Variants in CCSER2 observed in about 807,000 individuals in gnomAD.
CCSER2 encodes coiled-coil serine rich protein 2.
A neutral mutation model predicts 92.3 loss-of-function variants in CCSER2; 46 were observed. That is an observed-to-expected ratio of 0.50 (90% CI 0.39 to 0.64). The LOEUF (loss-of-function observed/expected upper bound fraction) is 0.64. Ranked by LOEUF, CCSER2 falls within the 30% of genes least tolerant of loss-of-function variation. The pLI is 0.00. For synonymous variants in CCSER2, 433 were observed against 431.4 expected, an observed-to-expected ratio of 1.00 and a Z score of -0.04; for missense variants, 1,244 against 1,238.9, an observed-to-expected ratio of 1.00 and a Z score of -0.06.
chr10:84,479,187 A>G (rs1248537363), intron 9 of CCSER2, among the ~76,000 whole-genome samples: 4 of 152,242 alleles, frequency 2.6e-5, no homozygotes, highest in Non-Finnish European at 5.9e-5. Flanking sequence ...CTATAAAAAA[A>G]GTAACTATAA....
Position 84,446,595 on chromosome 10 carries a change from A to G in CCSER2, c.2064+7888A>G, listed in dbSNP as rs139634772. Among the ~76,000 whole-genome samples the G allele has an allele frequency of 9.9e-5, 15 of 151,014 alleles. No individual in the cohort carries two copies. In the East Asian group the frequency reaches 2.7e-3, roughly 27 times the overall value. ...ATTTCTCTCATCACTCCAGGAAAAA[A>G]AGGAGTTTATGAAATATTCATAATA... On this transcript the variant is annotated intron_variant, in intron 6 of 9. Coordinates refer to ENST00000372088, the MANE Select transcript of CCSER2 (RefSeq NM_001284240.2).
chr10:84,470,868 G>A (rs1846749110), intron 8 of CCSER2, among the ~76,000 whole-genome samples: 1 of 151,922 alleles, frequency 6.6e-6, no homozygotes, highest in African/African-American at 2.4e-5. Flanking sequence ...CAGATTGAAG[G>A]GTACTCCAAG....
At chr10:84,435,872 C>G (rs1844085315) in intron 5 of CCSER2, among the ~76,000 whole-genome samples, 1 of 152,084 alleles carries the variant, frequency 6.6e-6, no homozygotes, top group African/African-American at 2.4e-5. Flanking sequence ...GAAGTGTTCT[C>G]TGAAGTAGTG....
At chr10:84,418,477 C>T (rs1454002791) in intron 4 of CCSER2, among the ~76,000 whole-genome samples, 1 of 152,072 alleles carries the variant, frequency 6.6e-6, no homozygotes, top group Non-Finnish European at 1.5e-5. Context: ...CATAAAAAAG[C>T]CCTGGAGGCA....
intron 9 of CCSER2, among the ~76,000 whole-genome samples, chr10:84,484,411 C>T (rs1185197137): frequency 1.3e-5 from 2 of 151,980 alleles, no homozygotes; most frequent in Non-Finnish European, 2.9e-5. Flanking sequence ...TCCACCATGC[C>T]CAGCCAAATG....
intron 1 of CCSER2, among the ~76,000 whole-genome samples, chr10:84,339,094 T>A (rs1310362394): frequency 2.0e-5 from 3 of 151,346 alleles, no homozygotes; most frequent in African/African-American, 7.3e-5. Flanking sequence ...CTACAGAAGT[T>A]AATTTTTTCT....
chr10:84,342,464 G>A (rs527703443), intron 1 of CCSER2, among the ~76,000 whole-genome samples: 3 of 152,168 alleles, frequency 2.0e-5, no homozygotes, highest in South Asian at 4.1e-4. Context: ...CATGTACCCT[G>A]TCATGTACCC....
intron 4 of CCSER2, among the ~76,000 whole-genome samples, chr10:84,425,508 A>G (rs1843380937): frequency 6.6e-6 from 1 of 152,216 alleles, no homozygotes; most frequent in Admixed American, 6.5e-5. Flanking sequence ...ACTGTAATGT[A>G]AAAGTATTAT....
At chr10:84,471,878 T>C (rs1846823703) in intron 8 of CCSER2, among the ~76,000 whole-genome samples, 1 of 152,008 alleles carries the variant, frequency 6.6e-6, no homozygotes, top group Admixed American at 6.6e-5. Context: ...ATTAAATAAG[T>C]TTGAGGAAGA....
chr10:84,367,472 G>A (rs1467313534), intron 1 of CCSER2, among the ~76,000 whole-genome samples: 1 of 151,794 alleles, frequency 6.6e-6, no homozygotes, highest in East Asian at 1.9e-4. Context: ...AACCTCGTGG[G>A]CTCAGTTGAT....
intron 4 of CCSER2, 64 bp from the exon 5 acceptor site, chr10:84,425,667 T>C (rs2133431971): frequency 8.9e-7 from 1 of 1,122,302 alleles, no homozygotes; most frequent in Non-Finnish European, 1.2e-6. Flanking sequence ...ATTATCAAGC[T>C]ATAAGAGTCA....
At chr10:84,359,001 C>G (rs2133106552) in intron 1 of CCSER2, among the ~76,000 whole-genome samples, 1 of 152,266 alleles carries the variant, frequency 6.6e-6, no homozygotes, top group South Asian at 2.1e-4. Context: ...TTTACTGTCT[C>G]CTGGTCCTAG....
intron 8 of CCSER2, among the ~76,000 whole-genome samples, chr10:84,472,639 A>G (rs1173499964): frequency 1.3e-5 from 2 of 152,186 alleles, no homozygotes; most frequent in African/African-American, 4.8e-5. Context: ...TAGGATTGCA[A>G]TAGTAAAATT....
At chr10:84,491,796 T>G (rs1386867932) in intron 9 of CCSER2, among the ~76,000 whole-genome samples, 1 of 152,140 alleles carries the variant, frequency 6.6e-6, no homozygotes, top group Non-Finnish European at 1.5e-5. Context: ...GGTACCTCAG[T>G]TGGAAATGCA....
intron 3 of CCSER2, among the ~76,000 whole-genome samples, chr10:84,403,861 C>G (rs1195352170): frequency 6.6e-6 from 1 of 152,104 alleles, no homozygotes; most frequent in Non-Finnish European, 1.5e-5. Context: ...TACAAATGCT[C>G]CAAGCTAAAT....
At chr10:84,464,048 A>G (rs765444016) in intron 7 of CCSER2, 32 bp downstream of exon 7, 23 of 1,201,616 alleles carry the variant, frequency 1.9e-5, no homozygotes, top group Non-Finnish European at 2.6e-5. Flanking sequence ...GGATTTTTCA[A>G]AATTCTTTTT....
intron 1 of CCSER2, among the ~76,000 whole-genome samples, chr10:84,365,962 C>T (rs1381700547): frequency 1.3e-5 from 2 of 152,134 alleles, no homozygotes; most frequent in Non-Finnish European, 2.9e-5. Context: ...GTGGAAAAGA[C>T]CATTATCAAA....
chr10:84,345,951 G>A (rs1844451061), intron 1 of CCSER2, among the ~76,000 whole-genome samples: 1 of 152,162 alleles, frequency 6.6e-6, no homozygotes, highest in South Asian at 2.1e-4. Context: ...TCTACATACT[G>A]CTGTATCCAA....
At chr10:84,381,144 C>G (rs1160134137) in intron 3 of CCSER2, among the ~76,000 whole-genome samples, 2 of 152,174 alleles carry the variant, frequency 1.3e-5, no homozygotes, top group African/African-American at 4.8e-5. Flanking sequence ...TCATCTCTCA[C>G]TAACTCATGG....
Sources: gnomAD v4.1 joint callset for allele counts (sites outside exome capture counted in the v4.1 genomes callset) on GRCh38, gnomAD v4.1.1 for gene constraint, MANE v1.5 for transcripts, NCBI Gene and HGNC (gene_info 2026-07-23, HGNC 2026-07-21) for gene names.